Variants in CHD2 observed in about 807,000 individuals in gnomAD.
The protein encoded by CHD2 is chromodomain helicase DNA binding protein 2.
Under a neutral mutation model 243.9 loss-of-function variants are expected in CHD2, and 28 were observed. That is an observed-to-expected ratio of 0.11 (90% confidence interval 0.09 to 0.16). The LOEUF (loss-of-function observed/expected upper bound fraction) is 0.16, where lower values mean the gene tolerates loss of function less well. Ranked by LOEUF, CHD2 falls within the 10% of genes least tolerant of loss-of-function variation. CHD2 has a pLI of 1.00. For missense variants in CHD2, 1,386 were observed against 2,209.8 expected (o/e 0.63, Z 7.47); for synonymous variants, 775 against 779.0 (o/e 0.99, Z 0.09).
chr15:92,940,841 A>T lies in CHD2; in HGVS notation c.693-981A>T, dbSNP rs903033716. 2.7e-4 allele frequency among the ~76,000 whole-genome samples: 36 copies of T among 134,402 alleles called. No homozygotes were observed. The East Asian group carries it at 3.6e-3, about 13-fold the overall frequency. The allele number at this position is 134,402 out of a possible 152,430, so 88.2% of individuals were successfully genotyped here. A position where few individuals can be genotyped will look rare whatever the true frequency, so the allele number is the denominator to read the frequency against. ...TATATAAATATTATAAATATATAAA[A>T]ATATATATAAATATATAAATATATA... On this transcript the variant is annotated intron_variant, in intron 7 of 38. Coordinates refer to ENST00000394196, the MANE Select transcript of CHD2 (RefSeq NM_001271.4).
intron 22 of CHD2, among the ~76,000 whole-genome samples, chr15:92,979,824 A>G (rs2053954389): frequency 6.6e-6 from 1 of 151,970 alleles, no homozygotes; most frequent in African/African-American, 2.4e-5. Context: ...AGGCTGAGGC[A>G]GGAGAATGGC....
Position 92,941,450 on chromosome 15 carries a change from G to A in CHD2, c.693-372G>A, listed in dbSNP as rs924560637. ...TCTCTTTTTGCCTGATGAAATAGTA[G>A]CAAATTTTTTCTTCCATTATGGTTT... On this transcript the variant is annotated intron_variant, in intron 7 of 38. Coordinates refer to ENST00000394196, the MANE Select transcript of CHD2 (RefSeq NM_001271.4). Among the ~76,000 whole-genome samples the A allele has an allele frequency of 2.0e-5, 3 of 151,940 alleles. No individual in the cohort carries two copies. The South Asian group carries it at 6.2e-4, about 32-fold the overall frequency.
intron 31 of CHD2, among the ~76,000 whole-genome samples, chr15:93,000,269 A>T (rs2054237670): frequency 6.6e-6 from 1 of 152,124 alleles, no homozygotes; most frequent in African/African-American, 2.4e-5. Flanking sequence ...CCATCTCGGA[A>T]AAAAAAACGA....
intron 6 of CHD2, among the ~76,000 whole-genome samples, chr15:92,938,187 A>G (rs975167764): frequency 2.0e-5 from 3 of 152,146 alleles, no homozygotes; most frequent in Non-Finnish European, 2.9e-5. Context: ...TCCACCACCT[A>G]TTTTCATATG....
rs957714955 is a variant in CHD2, at chr15:92,900,671, C to T, written c.-225C>T. The T allele has an allele frequency of 2.0e-5, 8 of 393,242 alleles. No homozygotes were observed. In the Admixed American group the frequency reaches 2.7e-4, roughly 13 times the overall value. 24.4% of individuals were successfully genotyped at this position (393,242 alleles called of 1,614,324 possible). A position where few individuals can be genotyped will look rare whatever the true frequency, so the allele number is the denominator to read the frequency against. On this transcript the variant is annotated 5_prime_UTR_variant, in exon 1 of 39. Coordinates refer to ENST00000394196, the MANE Select transcript of CHD2 (RefSeq NM_001271.4). ...GGACCTGTTTTAGTATTAATTATTG[C>T]TTTATTTTTTTGACCAGTTAACATA...
At chr15:92,922,900 C>CA (rs2052986754) in intron 2 of CHD2, among the ~76,000 whole-genome samples, 1 of 152,156 alleles carries the variant, frequency 6.6e-6, no homozygotes, top group Admixed American at 6.5e-5. Flanking sequence ...TATCACCCCT[C>CA]AGTCTCTGTG....
intron 2 of CHD2, among the ~76,000 whole-genome samples, chr15:92,921,824 G>T (rs1238748241): frequency 6.6e-6 from 1 of 152,166 alleles, no homozygotes; most frequent in African/African-American, 2.4e-5. Context: ...GATGACACAG[G>T]CCTGAGGTGA....
chr15:92,961,249 A>G (rs1596410628), intron 16 of CHD2, among the ~76,000 whole-genome samples: 1 of 151,174 alleles, frequency 6.6e-6, no homozygotes, highest in Middle Eastern at 3.4e-3. Flanking sequence ...ATTTTTAATG[A>G]CTAACCTGGT....
chr15:92,939,895 G>A (rs2053330302), intron 7 of CHD2, among the ~76,000 whole-genome samples, 177 bp downstream of exon 7: 1 of 152,146 alleles, frequency 6.6e-6, no homozygotes, highest in Admixed American at 6.5e-5. Context: ...TTGAGCCAAG[G>A]GGAATAGGAA....
intron 24 of CHD2, among the ~76,000 whole-genome samples, chr15:92,982,345 GC>G (rs1490653512): frequency 2.0e-5 from 3 of 152,204 alleles, no homozygotes; most frequent in African/African-American, 7.2e-5. Context: ...ATTTGGGACA[GC>G]CATGGATGAG....
intron 26 of CHD2, among the ~76,000 whole-genome samples, chr15:92,987,990 C>G (rs1022207469): frequency 6.6e-6 from 1 of 152,114 alleles, no homozygotes; most frequent in Non-Finnish European, 1.5e-5. Context: ...GCTCACCATC[C>G]CCATTTGTGC....
intron 2 of CHD2, among the ~76,000 whole-genome samples, chr15:92,916,882 A>G (rs1179473971): frequency 2.6e-5 from 4 of 152,234 alleles, no homozygotes; most frequent in Non-Finnish European, 4.4e-5. Context: ...GTTACTGGCT[A>G]TTCTTACAAT....
chr15:92,917,581 G>GA (rs1004330159), intron 2 of CHD2, among the ~76,000 whole-genome samples: 2 of 151,510 alleles, frequency 1.3e-5, no homozygotes, highest in Non-Finnish European at 2.9e-5. Flanking sequence ...CAAGCAAAAA[G>GA]AAAAAAAAGG....
chr15:92,950,870 T>C (rs908987796), intron 13 of CHD2, among the ~76,000 whole-genome samples: 1 of 152,230 alleles, frequency 6.6e-6, no homozygotes, highest in African/African-American at 2.4e-5. Flanking sequence ...TCTCCTACTT[T>C]TTATCTGATA....
In CHD2 at chr15:92,946,233, C is replaced by A; in HGVS notation, c.1377+17C>A. 6.3e-7 allele frequency: 1 copy of A among 1,588,584 alleles called. No individual in the cohort carries two copies. Among genetic ancestry groups the A allele is most frequent in the Non-Finnish European group, 8.6e-7 (1 of 1,164,704 alleles). ...GAATGCAAGGTATGGTGATGGTTGG[C>A]TTTTGTTTTTTCAGGGAGAAGATAT... is the stretch of plus-strand genomic sequence containing the variant. On this transcript the variant is annotated intron_variant, in intron 12 of 38. Coordinates refer to ENST00000394196, the MANE Select transcript of CHD2 (RefSeq NM_001271.4).
intron 2 of CHD2, among the ~76,000 whole-genome samples, chr15:92,923,378 A>C (rs2052996171): frequency 6.6e-6 from 1 of 151,700 alleles, no homozygotes; most frequent in African/African-American, 2.4e-5. Context: ...CTCCCACCTG[A>C]GTTTCCCGAG....
chr15:92,971,615 G>C, intron 17 of CHD2, 150 bp from the exon 18 acceptor site: 2 of 520,146 alleles, frequency 3.8e-6, no homozygotes, highest in Non-Finnish European at 6.6e-6. Flanking sequence ...TAGATGGCAG[G>C]AGATACAAAA....
chr15:93,005,645 C>CGA (rs1288658645), intron 34 of CHD2, among the ~76,000 whole-genome samples: 1 of 152,228 alleles, frequency 6.6e-6, no homozygotes, highest in Non-Finnish European at 1.5e-5. Flanking sequence ...TCTGAGTTCT[C>CGA]TAAAACCTAT....
At chr15:92,918,119 C>T (rs1244176961) in intron 2 of CHD2, among the ~76,000 whole-genome samples, 1 of 152,194 alleles carries the variant, frequency 6.6e-6, no homozygotes, top group Non-Finnish European at 1.5e-5. Context: ...CTGTGCTGCC[C>T]TCTTGTGGCC....
Sources: gnomAD v4.1 joint callset for allele counts (sites outside exome capture counted in the v4.1 genomes callset) on GRCh38, gnomAD v4.1.1 for gene constraint, MANE v1.5 for transcripts, NCBI Gene and HGNC (gene_info 2026-07-23, HGNC 2026-07-21) for gene names.